The following CNTN4 variants were observed in gnomAD, a reference collection of about 807,000 sequenced individuals.
CNTN4 encodes contactin-4.
CNTN4 carries 77 observed loss-of-function variants against 122.5 expected under a neutral mutation model. The observed-to-expected ratio is 0.63, with a 90% CI of 0.52 to 0.76. The LOEUF (loss-of-function observed/expected upper bound fraction) is 0.76, where lower values mean the gene tolerates loss of function less well. CNTN4 is among the 30% of genes least tolerant of loss of function. CNTN4 has a pLI of 0.00. For missense variants in CNTN4, 1,256 were observed against 1,259.1 expected (o/e 1.00, Z 0.04); for synonymous variants, 512 against 447.0 (o/e 1.15, Z -1.83).
At chr3:2,461,380 C>G (rs1303623728) in intron 3 of CNTN4, among the ~76,000 whole-genome samples, 1 of 152,070 alleles carries the variant, frequency 6.6e-6, no homozygotes, top group Admixed American at 6.5e-5. Flanking sequence ...AGATAATCTA[C>G]ATTATCTCAG....
intron 14 of CNTN4, among the ~76,000 whole-genome samples, chr3:2,999,907 A>G (rs1258601659): frequency 1.3e-5 from 2 of 152,222 alleles, no homozygotes; most frequent in Non-Finnish European, 2.9e-5. Context: ...ATTTCTTATC[A>G]GTTGACACAT....
At chr3:2,364,291 G>A (rs1011212496) in intron 3 of CNTN4, among the ~76,000 whole-genome samples, 6 of 152,104 alleles carry the variant, frequency 3.9e-5, no homozygotes, top group Non-Finnish European at 2.9e-5. Context: ...ATATTTATAA[G>A]GTGCCTAGCA....
At chr3:2,318,621 G>A (rs565690200) in intron 2 of CNTN4, among the ~76,000 whole-genome samples, 30 of 151,932 alleles carry the variant, frequency 2.0e-4, no homozygotes, top group East Asian at 9.7e-4. Flanking sequence ...TATTTTATAC[G>A]TCTGGTTTTT....
chr3:2,752,614 G>C (rs1255448479), intron 6 of CNTN4, among the ~76,000 whole-genome samples: 4 of 152,270 alleles, frequency 2.6e-5, no homozygotes, highest in African/African-American at 9.6e-5. Flanking sequence ...GCCTCCCAAA[G>C]TGCTGGGATT....
intron 3 of CNTN4, among the ~76,000 whole-genome samples, chr3:2,340,716 G>GAGAGAGAGAGAGAGA (rs1559468327): frequency 2.4e-5 from 2 of 81,924 alleles, no homozygotes; most frequent in African/African-American, 7.5e-5. Context: ...TATATAGAGA[G>GAGAGAGAGAGAGAGA]AGAGAGAGAG....
intron 6 of CNTN4, among the ~76,000 whole-genome samples, chr3:2,817,529 A>G (rs2092765054): frequency 6.6e-6 from 1 of 152,268 alleles, no homozygotes; most frequent in Admixed American, 6.5e-5. Context: ...GAATGAATTC[A>G]TAAACTAAGA....
At chr3:2,467,076 A>T (rs2151475117) in intron 3 of CNTN4, among the ~76,000 whole-genome samples, 1 of 150,470 alleles carries the variant, frequency 6.6e-6, no homozygotes, top group Middle Eastern at 3.5e-3. Context: ...ATTTAAAAAA[A>T]GTCTTCCAGT....
intron 4 of CNTN4, among the ~76,000 whole-genome samples, chr3:2,610,575 C>G (rs985497299): frequency 6.6e-6 from 1 of 152,132 alleles, no homozygotes; most frequent in Admixed American, 6.6e-5. Flanking sequence ...ATACTTTACA[C>G]TTTGTGTATT....
chr3:2,561,000 T>G lies in CNTN4; in HGVS notation c.-88-10416T>G, dbSNP rs146605273. ...CCCTTTTAGGCTACCAGTTATCTGA[T>G]TTTCTGATGTGGCTGTCCGAGCAAT... On this transcript the variant is annotated intron_variant, in intron 3 of 24. Coordinates refer to ENST00000418658, the MANE Select transcript of CNTN4 (RefSeq NM_175607.3). Among the ~76,000 whole-genome samples the G allele has an allele frequency of 9.4e-3, 1,432 of 152,328 alleles. 30 individuals carry two copies. The highest frequency in any genetic ancestry group is 0.032 in the African/African-American group (1,345 of 41,572).
intron 3 of CNTN4, among the ~76,000 whole-genome samples, chr3:2,342,616 G>C (rs1462266461): frequency 1.3e-5 from 2 of 152,122 alleles, no homozygotes; most frequent in Admixed American, 6.6e-5. Flanking sequence ...AACAGTGAGT[G>C]AGTTCTCATG....
chr3:2,192,166 T>A (rs1204269590), intron 2 of CNTN4, among the ~76,000 whole-genome samples: 1 of 152,142 alleles, frequency 6.6e-6, no homozygotes, highest in Admixed American at 6.6e-5. Context: ...TCTTTGCTAT[T>A]GTGAATAGTG....
At chr3:2,275,584 T>A (rs2041474703) in intron 2 of CNTN4, among the ~76,000 whole-genome samples, 1 of 152,146 alleles carries the variant, frequency 6.6e-6, no homozygotes, top group Non-Finnish European at 1.5e-5. Context: ...TGCAGTGAGT[T>A]TCACAATTAC....
At chr3:2,477,694 T>C (rs1428521960) in intron 3 of CNTN4, among the ~76,000 whole-genome samples, 1 of 152,238 alleles carries the variant, frequency 6.6e-6, no homozygotes, top group Non-Finnish European at 1.5e-5. Flanking sequence ...ACATAGTCTA[T>C]GCATTTTGCG....
intron 2 of CNTN4, among the ~76,000 whole-genome samples, chr3:2,174,457 C>A (rs192437927): frequency 5.9e-5 from 9 of 152,256 alleles, no homozygotes; most frequent in Admixed American, 4.6e-4. Flanking sequence ...TGAGGGCCCA[C>A]TTCTGGTTCA....
chr3:2,303,837 A>T (rs532606862), intron 2 of CNTN4, among the ~76,000 whole-genome samples: 1 of 152,206 alleles, frequency 6.6e-6, no homozygotes, highest in Non-Finnish European at 1.5e-5. Flanking sequence ...ATAATAAAGC[A>T]AGCAAATCTG....
chr3:2,708,727 TCACACACACA>T (rs10530575), intron 4 of CNTN4, among the ~76,000 whole-genome samples: 5,272 of 150,974 alleles, frequency 0.035, 319 homozygotes, highest in African/African-American at 0.12. Context: ...CACGCGCGCA[TCACACACACA>T]CACACACACA....
At chr3:2,173,467 T>G (rs899629416) in intron 2 of CNTN4, among the ~76,000 whole-genome samples, 17 of 152,224 alleles carry the variant, frequency 1.1e-4, no homozygotes, top group African/African-American at 3.9e-4. Context: ...TTCCACAGTA[T>G]TCTAGATTTT....
chr3:2,676,996 TTAAG>T (rs1189768149), intron 4 of CNTN4, among the ~76,000 whole-genome samples: 1 of 152,112 alleles, frequency 6.6e-6, no homozygotes, highest in Non-Finnish European at 1.5e-5. Flanking sequence ...TTCTGGTTTT[TTAAG>T]TAAGTATCTG....
chr3:2,225,129 C>T (rs1270384405), intron 2 of CNTN4, among the ~76,000 whole-genome samples: 17 of 149,968 alleles, frequency 1.1e-4, no homozygotes, highest in South Asian at 2.1e-4. Flanking sequence ...CCAGCCTGGG[C>T]GACAGGGCGA....
Sources: gnomAD v4.1 joint callset for allele counts (sites outside exome capture counted in the v4.1 genomes callset) on GRCh38, gnomAD v4.1.1 for gene constraint, MANE v1.5 for transcripts, NCBI Gene and HGNC (gene_info 2026-07-23, HGNC 2026-07-21) for gene names.